The following ANO3 variants were observed in gnomAD, a reference collection of about 807,000 sequenced individuals.
The protein encoded by ANO3 is anoctamin 3, also known as anoctamin-3.
A neutral mutation model predicts 144.8 loss-of-function variants in ANO3; 99 were observed. The ratio of observed to expected loss-of-function variants is 0.68; its 90% CI spans 0.58 to 0.81. The LOEUF is 0.81. Among genes scored for constraint, ANO3 ranks in the 30% least tolerant of loss-of-function variants. The pLI, the probability that ANO3 is intolerant of heterozygous loss-of-function variation, is 0.00. For missense variants in ANO3, 905 were observed against 1,202.2 expected (o/e 0.75, Z 3.66); for synonymous variants, 414 against 392.6 (o/e 1.05, Z -0.64).
intron 13 of ANO3, among the ~76,000 whole-genome samples, 175 bp downstream of exon 13, chr11:26,553,520 A>G (rs148875056): frequency 9.9e-4 from 151 of 152,208 alleles, no homozygotes; most frequent in African/African-American, 3.5e-3. Context: ...AAGCGAGTAT[A>G]CTTTTATTTG....
intron 1 of ANO3, among the ~76,000 whole-genome samples, chr11:26,350,639 T>C (rs2133912106): frequency 6.6e-6 from 1 of 152,290 alleles, no homozygotes; most frequent in South Asian, 2.1e-4. Context: ...TAGTTATATA[T>C]ATTTTGATAT....
chr11:26,600,571 A>C (rs1590616437), intron 17 of ANO3, among the ~76,000 whole-genome samples: 23 of 70,572 alleles, frequency 3.3e-4, no homozygotes, highest in East Asian at 4.0e-4. Context: ...TCCCTCTCTC[A>C]CTTCCTCTCC....
At chr11:26,269,971 C>T (rs1264355644) in intron 1 of ANO3, among the ~76,000 whole-genome samples, 2 of 152,150 alleles carry the variant, frequency 1.3e-5, no homozygotes, top group African/African-American at 2.4e-5. Flanking sequence ...AACACAAACA[C>T]ACACAGAGAA....
intron 4 of ANO3, among the ~76,000 whole-genome samples, chr11:26,477,486 A>C (rs1284964882): frequency 6.6e-6 from 1 of 152,126 alleles, no homozygotes; most frequent in Non-Finnish European, 1.5e-5. Context: ...CTCTTTCTCA[A>C]GACAGTTACT....
At chr11:26,269,986 T>TCTC (rs1031103594) in intron 1 of ANO3, among the ~76,000 whole-genome samples, 14 of 152,010 alleles carry the variant, frequency 9.2e-5, no homozygotes, top group African/African-American at 3.4e-4. Flanking sequence ...AGAGAACAGA[T>TCTC]CATGTGAAGA....
chr11:26,317,375 T>C (rs1365175455), intron 1 of ANO3, among the ~76,000 whole-genome samples: 2 of 151,830 alleles, frequency 1.3e-5, no homozygotes, highest in Middle Eastern at 3.2e-3. Flanking sequence ...GACAAAGGGC[T>C]AATATCCAGG....
intron 1 of ANO3, among the ~76,000 whole-genome samples, chr11:26,363,462 G>T (rs1044087419): frequency 3.3e-5 from 5 of 152,134 alleles, no homozygotes; most frequent in Admixed American, 6.5e-5. Flanking sequence ...GTCTTGTCAT[G>T]TCTTCACATG....
intron 1 of ANO3, among the ~76,000 whole-genome samples, chr11:26,373,117 T>C (rs771073199): frequency 1.3e-5 from 2 of 152,138 alleles, no homozygotes; most frequent in Non-Finnish European, 2.9e-5. Flanking sequence ...CACACACACA[T>C]ATAAATGTAA....
intron 1 of ANO3, among the ~76,000 whole-genome samples, chr11:26,418,668 GA>G (rs767104674): frequency 3.9e-5 from 6 of 152,114 alleles, no homozygotes; most frequent in Admixed American, 6.6e-5. Context: ...AGGCAGGGAT[GA>G]TCAGGAGTCC....
intron 6 of ANO3, among the ~76,000 whole-genome samples, chr11:26,520,333 A>G (rs117549675): frequency 0.022 from 3,347 of 152,276 alleles, 62 homozygotes; most frequent in Non-Finnish European, 0.035. Flanking sequence ...GTAGGAATGC[A>G]TGTAAAAGAA....
chr11:26,287,925 A>G (rs1425794291), intron 1 of ANO3: 2 of 152,214 alleles, frequency 1.3e-5, no homozygotes, highest in East Asian at 3.8e-4. Flanking sequence ...TTTGAAACCA[A>G]TGGAGAACTT....
At chr11:26,428,633 C>T (rs895925498) in intron 1 of ANO3, among the ~76,000 whole-genome samples, 3 of 152,072 alleles carry the variant, frequency 2.0e-5, no homozygotes, top group African/African-American at 7.2e-5. Flanking sequence ...TTAAGCCCTT[C>T]CCGAGGAGTC....
intron 1 of ANO3, among the ~76,000 whole-genome samples, chr11:26,395,292 CT>C (rs11309017): frequency 0.27 from 40,344 of 151,912 alleles, 6,012 homozygotes; most frequent in African/African-American, 0.4. Context: ...TTTCAAGTAG[CT>C]TTTTTTCTAA....
intron 1 of ANO3, among the ~76,000 whole-genome samples, chr11:26,250,402 G>A (rs188333747): frequency 6.6e-6 from 1 of 152,314 alleles, no homozygotes; most frequent in East Asian, 1.9e-4. Context: ...GACCACAACA[G>A]TCTCTGGCAT....
At chr11:26,227,685 G>T (rs1852284072) in intron 1 of ANO3, among the ~76,000 whole-genome samples, 1 of 152,018 alleles carries the variant, frequency 6.6e-6, no homozygotes, top group African/African-American at 2.4e-5. Flanking sequence ...TTCCACTTGT[G>T]CTGCCCGTGT....
chr11:26,499,334 G>T (rs1861094835), intron 4 of ANO3, among the ~76,000 whole-genome samples: 1 of 151,302 alleles, frequency 6.6e-6, no homozygotes, highest in African/African-American at 2.4e-5. Flanking sequence ...AACTGGTGCT[G>T]ATGCTTTTTA....
chr11:26,622,089 G>A (rs1018552773), intron 17 of ANO3, among the ~76,000 whole-genome samples: 18 of 152,088 alleles, frequency 1.2e-4, no homozygotes, highest in Non-Finnish European at 2.6e-4. Flanking sequence ...CATTCTGCTT[G>A]AACTGATTTT....
In ANO3 at chr11:26,663,123, C is replaced by G. The variant is rs1853925787; in HGVS notation, c.*2679C>G. 6.6e-6 allele frequency: 1 copy of G among 152,162 alleles called. No homozygotes were observed. Among genetic ancestry groups the G allele is most frequent in the African/African-American group, 2.4e-5 (1 of 41,406 alleles). 9.4% of individuals were successfully genotyped at this position (152,162 alleles called of 1,614,324 possible). On this transcript the variant is annotated 3_prime_UTR_variant, in exon 27 of 27. Coordinates refer to ENST00000256737, the MANE Select transcript of ANO3 (RefSeq NM_031418.4). ...CATGGCTGAAATAGTTTGTAATTGT[C>G]TGAGTCTGTGCACGTACTTTTAGAT...
chr11:26,191,309 CACACACACATATATATATACACACAT>C (rs934417260), intron 1 of ANO3, among the ~76,000 whole-genome samples: 5 of 150,970 alleles, frequency 3.3e-5, no homozygotes, highest in African/African-American at 1.2e-4. Context: ...TATATATACA[CACACACACATATATATATACACACAT>C]ACACACACAC....
Sources: allele counts gnomAD v4.1 joint callset (sites outside exome capture counted in the v4.1 genomes callset), GRCh38; gene constraint gnomAD v4.1.1; transcripts MANE v1.5; gene names NCBI Gene and HGNC (gene_info 2026-07-23, HGNC 2026-07-21).